TAF4B: variants seen among roughly 807,000 people sequenced by gnomAD.
TAF4B encodes TATA-box binding protein associated factor 4b.
Under a neutral mutation model 86.4 loss-of-function variants are expected in TAF4B, and 38 were observed. The observed-to-expected ratio is 0.44, with a 90% CI of 0.34 to 0.58. The LOEUF is 0.58. TAF4B is among the 20% of genes least tolerant of loss of function. The pLI is 0.02. For synonymous variants in TAF4B, 388 were observed against 391.2 expected (o/e 0.99, Z 0.10); for missense variants, 988 against 1,027.6 (o/e 0.96, Z 0.53).
intron 6 of TAF4B, among the ~76,000 whole-genome samples, chr18:26,283,740 T>G (rs2144588600): frequency 6.6e-6 from 1 of 152,282 alleles, no homozygotes; most frequent in Admixed American, 6.5e-5. Context: ...AATAGAAGGT[T>G]GTTTTGTCTC....
At chr18:26,296,158 T>C (rs1362694967) in intron 9 of TAF4B, among the ~76,000 whole-genome samples, 3 of 152,146 alleles carry the variant, frequency 2.0e-5, no homozygotes, top group African/African-American at 7.2e-5. Context: ...TATTAGAGTT[T>C]TGTTTGTATC....
intron 1 of TAF4B, among the ~76,000 whole-genome samples, chr18:26,240,780 A>G (rs957382503): frequency 6.6e-6 from 1 of 152,130 alleles, no homozygotes; most frequent in African/African-American, 2.4e-5. Context: ...ACTTATTGAG[A>G]GTTTTTAGCA....
intron 1 of TAF4B, among the ~76,000 whole-genome samples, chr18:26,264,554 T>A (rs2056212882): frequency 6.6e-6 from 1 of 152,248 alleles, no homozygotes; most frequent in African/African-American, 2.4e-5. Context: ...ATTGTTAGGT[T>A]ACTTTAGAGC....
Position 26,274,813 on chromosome 18 carries a change from A to G in TAF4B, c.748A>G (p.Asn250Asp), listed in dbSNP as rs199689253. The G allele has an allele frequency of 1.5e-4, 246 of 1,614,066 alleles. No individual in the cohort carries two copies. The highest frequency in any genetic ancestry group is 2.0e-4 in the Non-Finnish European group (233 of 1,180,034). The change falls in exon 4 of 15, where the codon AAT becomes GAT. Residue 250 changes from asparagine (N) to aspartate (D), a missense_variant. By Grantham distance (23) the Asn-to-Asp change is conservative (BLOSUM62 1). Around this residue, in one of 3 missense-constraint regions of TAF4B, gnomAD observed 747 missense variants for 737.9 expected, o/e 1.01. Transcript: ENST00000269142. Reference sequence around the variant, plus strand: ...AGAGAACTCAGCAGCTGTTCAGATTAATCTTTCTCCGGTAAGCTCTTACTT... The same window carrying G: ...AGAGAACTCAGCAGCTGTTCAGATTGATCTTTCTCCGGTAAGCTCTTACTT... ...KAENSAAVQI[N>D]LSPTMLENVK...
chr18:26,287,414 G>GT (rs1206934369), intron 7 of TAF4B, among the ~76,000 whole-genome samples: 5 of 152,146 alleles, frequency 3.3e-5, no homozygotes, highest in South Asian at 2.1e-4. Context: ...TGATTGTTGT[G>GT]TTTTTTTGCT....
chr18:26,279,538 T>A (rs1253681847), intron 5 of TAF4B, among the ~76,000 whole-genome samples: 5 of 130,370 alleles, frequency 3.8e-5, no homozygotes, highest in South Asian at 2.3e-4. Context: ...GCCAAAACAA[T>A]TAGAAGCAAA....
chr18:26,273,440 G>C (rs1277827319), intron 3 of TAF4B, among the ~76,000 whole-genome samples: 1 of 151,822 alleles, frequency 6.6e-6, no homozygotes, highest in Non-Finnish European at 1.5e-5. Context: ...TATGTCTGCT[G>C]TTGAAAAAAA....
chr18:26,293,393 T>G (rs755808538), intron 8 of TAF4B, 33 bp from the exon 9 acceptor site: 2 of 1,487,866 alleles, frequency 1.3e-6, no homozygotes, highest in Non-Finnish European at 1.8e-6. Flanking sequence ...TTGCTTTTTT[T>G]GTATTCTATT....
chr18:26,267,386 C>T, intron 2 of TAF4B, 130 bp from the exon 3 acceptor site: 1 of 637,142 alleles, frequency 1.6e-6, no homozygotes, highest in Non-Finnish European at 2.8e-6. Flanking sequence ...GCATAAAACA[C>T]ATTAGGTTAT....
intron 1 of TAF4B, among the ~76,000 whole-genome samples, chr18:26,246,527 C>G (rs773292624): frequency 8.8e-5 from 13 of 148,042 alleles, no homozygotes; most frequent in Non-Finnish European, 1.8e-4. Flanking sequence ...TTATTAATCT[C>G]ATTGTTTTTG....
At chr18:26,379,290 G>A (rs532442378) in intron 14 of TAF4B, among the ~76,000 whole-genome samples, 2 of 152,104 alleles carry the variant, frequency 1.3e-5, no homozygotes, top group South Asian at 4.1e-4. Context: ...ACCCCATGTT[G>A]TGAAGATTTA....
Position 26,389,828 on chromosome 18 carries a change from C to T in TAF4B, c.2422-17C>T. The T allele has an allele frequency of 1.2e-6, 2 of 1,600,768 alleles. No homozygotes were observed. Among genetic ancestry groups the T allele is most frequent in the Non-Finnish European group, 1.7e-6 (2 of 1,175,790 alleles). ...AAGATTTTTATTTCAAATTGCTTTT[C>T]CTTTTATTATTTTTAGGGCTTAAAA... is the stretch of plus-strand genomic sequence containing the variant. On this transcript the variant is annotated splice_polypyrimidine_tract_variant and intron_variant, in intron 14 of 14. Transcript: ENST00000269142.
chr18:26,302,371 A>ATTTTT (rs66683595), intron 9 of TAF4B, among the ~76,000 whole-genome samples: 42,992 of 92,988 alleles, frequency 0.46, 11,221 homozygotes, highest in East Asian at 0.82. Context: ...TTCATATTAA[A>ATTTTT]TTTTTTTTTT....
chr18:26,285,749 C>T, intron 6 of TAF4B, 133 bp from the exon 7 acceptor site: 1 of 1,081,602 alleles, frequency 9.2e-7, no homozygotes, highest in East Asian at 2.4e-5. Context: ...GTAAGTGATA[C>T]AAGCTGTCTT....
intron 14 of TAF4B, among the ~76,000 whole-genome samples, chr18:26,382,326 A>G (rs1978294046): frequency 6.6e-6 from 1 of 152,218 alleles, no homozygotes. Context: ...AAGTCTTGAC[A>G]TGAGGTTGTC....
Position 26,343,354 on chromosome 18 carries a change from A to T in TAF4B, c.2316+8123A>T, listed in dbSNP as rs530434612. Among the ~76,000 whole-genome samples, 8 of 152,310 alleles carry T rather than the reference A, an allele frequency of 5.3e-5. No individual in the cohort carries two copies. The East Asian group carries it at 1.5e-3, about 29-fold the overall frequency. ...ACTCCTAGACCTACTCCTGAACTAT[A>T]CATTTGCCATATGTGGATCTTATTC... On this transcript the variant is annotated intron_variant, in intron 13 of 14. Coordinates refer to ENST00000269142, the MANE Select transcript of TAF4B (RefSeq NM_005640.3).
intron 13 of TAF4B, among the ~76,000 whole-genome samples, chr18:26,355,085 A>G (rs1179886138): frequency 6.6e-6 from 1 of 152,182 alleles, no homozygotes; most frequent in African/African-American, 2.4e-5. Flanking sequence ...TGTGATTTAT[A>G]GTGTAGAAAT....
At chr18:26,329,548 CT>C (rs1010370537) in intron 12 of TAF4B, among the ~76,000 whole-genome samples, 30 of 152,172 alleles carry the variant, frequency 2.0e-4, no homozygotes, top group Non-Finnish European at 1.5e-5. Flanking sequence ...GTTGTCATCT[CT>C]TTTCAGATTC....
At chr18:26,338,516 T>A (rs2057111457) in intron 13 of TAF4B, among the ~76,000 whole-genome samples, 1 of 145,860 alleles carries the variant, frequency 6.9e-6, no homozygotes, top group Admixed American at 7.0e-5. Context: ...TTCGCTCTTG[T>A]TGCCCAGGCT....
Sources: gnomAD v4.1 joint callset for allele counts (sites outside exome capture counted in the v4.1 genomes callset) on GRCh38, gnomAD v4.1.1 for gene constraint, gnomAD v4.1.1 regional missense constraint, MANE v1.5 for transcripts, NCBI Gene and HGNC (gene_info 2026-07-23, HGNC 2026-07-21) for gene names.